IRF3: variants seen among roughly 807,000 people sequenced by gnomAD.
IRF3 encodes interferon regulatory factor 3.
Under a neutral mutation model 43.2 loss-of-function variants are expected in IRF3, and 29 were observed. The observed-to-expected ratio is 0.67, with a 90% CI of 0.50 to 0.91. The LOEUF (loss-of-function observed/expected upper bound fraction) is 0.91. IRF3 is among the 40% of genes least tolerant of loss of function. IRF3 has a pLI of 0.00. For missense variants in IRF3, 505 were observed against 559.1 expected (o/e 0.90, Z 0.98); for synonymous variants, 228 against 233.9 (o/e 0.97, Z 0.23).
chr19:49,663,255 A>G lies in IRF3; in HGVS notation c.341T>C (p.Val114Ala), dbSNP rs892151580. ...GGTGTCTGGCTGGGAAAAGTCCCCA[A>G]CTCCTGTTGAGAAAAGTGGTGAGGG... ...HKIYEFVNSG[V>A]GDFSQPDTSP... The change falls in exon 4 of 8, where the codon GTT becomes GCT. Residue 114 changes from valine (V) to alanine (A), a missense_variant. Val to Ala is a moderately conservative substitution (Grantham distance 64). Coordinates refer to ENST00000377139, the MANE Select transcript of IRF3 (RefSeq NM_001571.6). The G allele has an allele frequency of 1.2e-6, 2 of 1,613,958 alleles. No homozygotes were observed. The highest frequency in any genetic ancestry group is 1.7e-6 in the Non-Finnish European group (2 of 1,179,996).
rs368164543 is a variant in IRF3, at chr19:49,663,201, G to C, written c.395C>G (p.Thr132Ser). The C allele has an allele frequency of 3.5e-5, 56 of 1,613,862 alleles. No homozygotes were observed. The highest frequency in any genetic ancestry group is 4.7e-5 in the Non-Finnish European group (55 of 1,179,858). Residue 132 changes from threonine to serine, a missense_variant, in exon 4 of 8, where the codon ACT (threonine) becomes AGT (serine). Thr to Ser is a moderately conservative substitution (Grantham distance 58). Coordinates refer to ENST00000377139, the MANE Select transcript of IRF3 (RefSeq NM_001571.6). ...TSPDTNGGGS[T>S]SDTQEDILDE... ...GCACATTCTCACCTGGGTATCAGAAGTACTGCCTCCACCATTGGTGTCCGG... is the reference window on the plus strand; with the variant it reads ...GCACATTCTCACCTGGGTATCAGAACTACTGCCTCCACCATTGGTGTCCGG...
At position 49,665,810 on chromosome 19, in the gene IRF3, A is replaced by G. The variant is rs770416313; in HGVS notation, c.-188T>C. 3.2e-6 allele frequency: 5 copies of G among 1,579,262 alleles called. No individual in the cohort carries two copies. In the East Asian group the frequency reaches 9.1e-5, roughly 29 times the overall value. ...CCAACTTTATCATTCTTTGGGTAACAGACCCAAAAGCCGATGGGACGGCCC... is the reference window on the plus strand; with the variant it reads ...CCAACTTTATCATTCTTTGGGTAACGGACCCAAAAGCCGATGGGACGGCCC... On this transcript the variant is annotated 5_prime_UTR_variant, in exon 1 of 8. Transcript: ENST00000377139.
rs1259529094 is a variant in IRF3, at chr19:49,659,994, C to CACATAT, written c.1099-162_1099-161insATATGT. Among the ~76,000 whole-genome samples, 151 of 99,254 alleles carry CACATAT rather than the reference C, an allele frequency of 1.5e-3. 18 individuals are homozygous for CACATAT. The highest frequency in any genetic ancestry group is 8.1e-3 in the African/African-American group (149 of 18,316). 65.1% of individuals were successfully genotyped at this position (99,254 alleles called of 152,430 possible). ...TGGGAGTTGTAGTTTTACACACACA[C>CACATAT]ACACACACACACACACACACACACA... On this transcript the variant is annotated intron_variant, in intron 7 of 7. Transcript: ENST00000377139.
chr19:49,661,085 T>A (rs1308034961), intron 6 of IRF3: 2 of 471,062 alleles, frequency 4.2e-6, no homozygotes, highest in African/African-American at 2.0e-5. Flanking sequence ...GGGCCCATGC[T>A]CCCAAGGATG....
At chr19:49,660,093 A>ATACACACACACATAC (rs2081250663) in intron 7 of IRF3, among the ~76,000 whole-genome samples, 2 of 130,632 alleles carry the variant, frequency 1.5e-5, no homozygotes, top group African/African-American at 6.8e-5. Flanking sequence ...CACACACACA[A>ATACACACACACATAC]ACACACACAC....
Position 49,659,984 on chromosome 19 carries a change from T to TACACACACACAC in IRF3, c.1099-163_1099-152dup, listed in dbSNP as rs5828408. 3.4e-3 allele frequency: 1,110 copies of TACACACACACAC among 323,650 alleles called. 5 individuals carry two copies. Among genetic ancestry groups the TACACACACACAC allele is most frequent in the East Asian group, 7.4e-3 (138 of 18,774 alleles). 20.0% of individuals were successfully genotyped at this position (323,650 alleles called of 1,614,324 possible). A position where few individuals can be genotyped will look rare whatever the true frequency, so the allele number is the denominator to read the frequency against. On this transcript the variant is annotated intron_variant, in intron 7 of 7. Transcript: ENST00000377139. ...CTAGGGCTGCTGGGAGTTGTAGTTT[T>TACACACACACAC]ACACACACACACACACACACACACA...
At chr19:49,664,585 A>AC in intron 2 of IRF3, 89 bp downstream of exon 2, 1 of 1,415,588 alleles carries the variant, frequency 7.1e-7, no homozygotes, top group Non-Finnish European at 9.4e-7. Flanking sequence ...CTCGCGCGCC[A>AC]CCTCCGCCTT....
At chr19:49,660,652 G>A (rs2122586694) in intron 7 of IRF3, 61 bp downstream of exon 7, 1 of 1,455,560 alleles carries the variant, frequency 6.9e-7, no homozygotes, top group East Asian at 2.6e-5. Flanking sequence ...GTTCCTGGGA[G>A]CAACCTCTTC....
At position 49,659,986 on chromosome 19, in the gene IRF3, C is replaced by CACACACACACATAT. The variant is rs1378073717; in HGVS notation, c.1099-154_1099-153insATATGTGTGTGTGT. On this transcript the variant is annotated intron_variant, in intron 7 of 7. Transcript: ENST00000377139. The stretch of plus-strand genomic sequence containing the variant: ...AGGGCTGCTGGGAGTTGTAGTTTTA[C>CACACACACACATAT]ACACACACACACACACACACACACA... Among the ~76,000 whole-genome samples the CACACACACACATAT allele has an allele frequency of 1.6e-3, 82 of 52,078 alleles. 8 individuals are homozygous for CACACACACACATAT. The highest frequency in any genetic ancestry group is 7.6e-3 in the African/African-American group (73 of 9,616). 34.2% of individuals were successfully genotyped at this position (52,078 alleles called of 152,430 possible).
intron 2 of IRF3, chr19:49,663,727 C>T (rs939530041): frequency 8.9e-6 from 5 of 562,086 alleles, no homozygotes; most frequent in East Asian, 3.1e-5. Flanking sequence ...TGGAGTTTCA[C>T]TCCTGTCACC....
intron 7 of IRF3, among the ~76,000 whole-genome samples, chr19:49,660,128 C>G (rs1330231673): frequency 6.7e-6 from 1 of 149,546 alleles, no homozygotes; most frequent in East Asian, 1.9e-4. Context: ...GCTGAGCAGT[C>G]TGTGATCTTG....
At position 49,662,510 on chromosome 19, in the gene IRF3, C is replaced by T. The variant is rs1467768469; in HGVS notation, c.516G>A (p.Arg172=). The change falls in exon 5 of 8, where the codon CGG becomes CGA. Residue 172 remains arginine (R), a synonymous_variant. Transcript: ENST00000377139. ...VAPEPCPQPL[R]SPSLDNPTPF... ...GAGTGGGATTGTCCAAGCTGGGGCT[C>T]CGCAGGGGCTGAGGGCAGGGCTCAG... The T allele has an allele frequency of 1.9e-6, 3 of 1,559,524 alleles. No homozygotes were observed. In the South Asian group the frequency reaches 3.6e-5, roughly 18 times the overall value.
Position 49,663,328 on chromosome 19 carries a change from C to T in IRF3, c.337+15G>A. On this transcript the variant is annotated intron_variant, in intron 3 of 7. Coordinates refer to ENST00000377139, the MANE Select transcript of IRF3 (RefSeq NM_001571.6). ...TGGGGCCCCAGCCTCCCACACGAAC[C>T]CCAAGCTGGCAGACCTGAGTTCACA... 6.2e-7 allele frequency: 1 copy of T among 1,614,172 alleles called. No individual in the cohort carries two copies. The highest frequency in any genetic ancestry group is 8.5e-7 in the Non-Finnish European group (1 of 1,180,006).
chr19:49,665,794 T>A lies in IRF3; in HGVS notation c.-172A>T. ...ACTTCTTGAAATAAAACCAACTTTA[T>A]CATTCTTTGGGTAACAGACCCAAAA... On this transcript the variant is annotated 5_prime_UTR_variant, in exon 1 of 8. Coordinates refer to ENST00000377139, the MANE Select transcript of IRF3 (RefSeq NM_001571.6). The A allele has an allele frequency of 6.4e-7, 1 of 1,566,446 alleles. No individual in the cohort carries two copies. Among genetic ancestry groups the A allele is most frequent in the Non-Finnish European group, 8.7e-7 (1 of 1,150,728 alleles).
intron 6 of IRF3, 102 bp from the exon 7 acceptor site, chr19:49,660,930 C>T: frequency 4.5e-6 from 6 of 1,330,908 alleles, no homozygotes; most frequent in Non-Finnish European, 6.1e-6. Context: ...TGACCTAAGG[C>T]CCTCTGCTGC....
chr19:49,665,080 T>C (rs1476010801), intron 1 of IRF3: 1 of 517,196 alleles, frequency 1.9e-6, no homozygotes, highest in Non-Finnish European at 3.4e-6. Flanking sequence ...GCGTCTTCAG[T>C]GCAGACCCTC....
In IRF3 at chr19:49,664,257, C is replaced by G. The variant is rs555639908; in HGVS notation, c.165+417G>C. 2.0e-5 allele frequency among the ~76,000 whole-genome samples: 3 copies of G among 152,256 alleles called. No homozygotes were observed. The East Asian group carries it at 5.8e-4, about 29-fold the overall frequency. On this transcript the variant is annotated intron_variant, in intron 2 of 7. Transcript: ENST00000377139. The stretch of plus-strand genomic sequence containing the variant: ...GCCCCGCGACACCCTCTGTGATAAC[C>G]CCGCCCCTCACACTGTTTACCACCT...
At position 49,660,025 on chromosome 19, in the gene IRF3, A is replaced by C. The variant is rs866937713; in HGVS notation, c.1099-192T>G. 1.2e-4 allele frequency among the ~76,000 whole-genome samples: 13 copies of C among 110,182 alleles called. 1 individual carries two copies. Among genetic ancestry groups the C allele is most frequent in the African/African-American group, 4.7e-4 (10 of 21,082 alleles). 72.3% of individuals were successfully genotyped at this position (110,182 alleles called of 152,430 possible). ...CACACACACACACACACACACACACACACCCCCTGCTGTAACTGAACCATA... is the reference window on the plus strand; with the variant it reads ...CACACACACACACACACACACACACCCACCCCCTGCTGTAACTGAACCATA... On this transcript the variant is annotated intron_variant, in intron 7 of 7. Coordinates refer to ENST00000377139, the MANE Select transcript of IRF3 (RefSeq NM_001571.6).
At position 49,659,663 on chromosome 19, in the gene IRF3, G is replaced by A. The variant is rs368936131; in HGVS notation, c.1269C>T (p.Gly423=). ...QDLVEGMDFQ[G]PGES ...GAGCGAGGGCTCAGCTCTCCCCAGG[G>A]CCCTGGAAATCCATGCCCTCCACCA... Residue 423 remains glycine (G), a synonymous_variant, in exon 8 of 8, where the codon GGC becomes GGT. Coordinates refer to ENST00000377139, the MANE Select transcript of IRF3 (RefSeq NM_001571.6). The A allele has an allele frequency of 3.1e-6, 5 of 1,613,446 alleles. No homozygotes were observed. The highest frequency in any genetic ancestry group is 1.1e-5 in the South Asian group (1 of 91,060).
Sources: gnomAD v4.1 joint callset for allele counts (sites outside exome capture counted in the v4.1 genomes callset) on GRCh38, gnomAD v4.1.1 for gene constraint, MANE v1.5 for transcripts, NCBI Gene and HGNC (gene_info 2026-07-23, HGNC 2026-07-21) for gene names.